GLUD1: variants seen among roughly 807,000 people sequenced by gnomAD.
GLUD1 encodes the protein glutamate dehydrogenase 1, also known as glutamate dehydrogenase 1, mitochondrial.
A neutral mutation model predicts 56.0 loss-of-function variants in GLUD1; 22 were observed. The observed-to-expected ratio is 0.39, with a 90% CI of 0.28 to 0.56. GLUD1 has a LOEUF of 0.56. Among genes scored for constraint, GLUD1 ranks in the 20% least tolerant of loss-of-function variants. The probability of loss-of-function intolerance (pLI) is 0.58; values close to 1 mark genes in which losing one functional copy is unlikely to be tolerated. For missense variants in GLUD1, 451 were observed against 732.0 expected, an observed-to-expected ratio of 0.62 and a Z score of 4.43; for synonymous variants, 223 against 269.9, an observed-to-expected ratio of 0.83 and a Z score of 1.70.
chr10:87,090,546 T>G (rs1175288761), intron 1 of GLUD1, among the ~76,000 whole-genome samples: 1 of 152,132 alleles, frequency 6.6e-6, no homozygotes, highest in Non-Finnish European at 1.5e-5. Flanking sequence ...CTAGTATACT[T>G]TGGGAGAAAA....
chr10:87,093,165 A>T (rs1841564653), intron 1 of GLUD1, among the ~76,000 whole-genome samples: 1 of 152,214 alleles, frequency 6.6e-6, no homozygotes, highest in South Asian at 2.1e-4. Flanking sequence ...TCCGGTACAG[A>T]GAGGATTTCT....
chr10:87,066,457 C>T (rs963482964), intron 5 of GLUD1, among the ~76,000 whole-genome samples: 1 of 152,104 alleles, frequency 6.6e-6, no homozygotes, highest in African/African-American at 2.4e-5. Context: ...CTTTCTTATC[C>T]CACCTTTCTC....
rs1225344623 is a variant in GLUD1 at position 87,060,743 on chromosome 10, G to C, written c.1142C>G (p.Pro381Arg). The C allele has an allele frequency of 6.2e-7, 1 of 1,614,174 alleles. No homozygotes were observed. The highest frequency in any genetic ancestry group is 8.5e-7 in the Non-Finnish European group (1 of 1,180,042). The change falls in exon 8 of 13, where the codon CCA (proline) becomes CGA (arginine). Residue 381 changes from proline to arginine, a missense_variant. By Grantham distance (103) the Pro-to-Arg change is moderately radical. Around this residue, in one of 4 missense-constraint regions of GLUD1, gnomAD observed 248 missense variants for 460.0 expected, o/e 0.54. Coordinates refer to ENST00000277865, the MANE Select transcript of GLUD1 (RefSeq NM_005271.5). ...ILEADCDILI[P>R]AASEKQLTKS... The stretch of plus-strand genomic sequence containing the variant: ...GGTCAACTGCTTCTCACTGGCAGCT[G>C]GGATCAGTATGTCACAGTCGGCCTC...
At chr10:87,081,317 G>A (rs1365401966) in intron 1 of GLUD1, among the ~76,000 whole-genome samples, 1 of 150,206 alleles carries the variant, frequency 6.7e-6, no homozygotes, top group Non-Finnish European at 1.5e-5. Flanking sequence ...CGTCCGGGAG[G>A]GAGGTGGGGG....
intron 11 of GLUD1, 66 bp from the exon 12 acceptor site, chr10:87,053,470 T>C: frequency 2.9e-6 from 3 of 1,017,096 alleles, no homozygotes; most frequent in Non-Finnish European, 4.7e-6. Context: ...CTGTATAAGA[T>C]GACAAAGGAT....
intron 11 of GLUD1, among the ~76,000 whole-genome samples, chr10:87,055,838 G>A (rs1232322439): frequency 1.3e-5 from 2 of 152,020 alleles, no homozygotes; most frequent in African/African-American, 2.4e-5. Flanking sequence ...ATTGACGGCC[G>A]GGCGCGGTGG....
chr10:87,081,946 C>CAAAAAAAAAAAAAAAAAAAAAAAAA (rs71019464), intron 1 of GLUD1, among the ~76,000 whole-genome samples: 1 of 85,668 alleles, frequency 1.2e-5, no homozygotes, highest in African/African-American at 3.9e-5. Flanking sequence ...ATGATCAATA[C>CAAAAAAAAAAAAAAAAAAAAAAAAA]AAAAAAAAAA....
intron 11 of GLUD1, among the ~76,000 whole-genome samples, chr10:87,054,556 C>T (rs567781113): frequency 6.6e-6 from 1 of 152,118 alleles, no homozygotes; most frequent in Admixed American, 6.5e-5. Context: ...AAAATAGCTA[C>T]TGGATTTGGC....
chr10:87,079,915 C>T lies in GLUD1; in HGVS notation c.446-3259G>A, dbSNP rs1314560148. Among the ~76,000 whole-genome samples, 10 of 121,042 alleles carry T rather than the reference C, an allele frequency of 8.3e-5. No individual in the cohort carries two copies. In the East Asian group the frequency reaches 2.1e-3, roughly 25 times the overall value. 79.4% of individuals were successfully genotyped at this position (121,042 alleles called of 152,430 possible). ...CTCCCTCTCCCTCCCCCTCCCCCTC[C>T]CCCTCTCCCTCCCCCTCTCCCTCTC... is the stretch of plus-strand genomic sequence containing the variant. On this transcript the variant is annotated intron_variant, in intron 1 of 12. Coordinates refer to ENST00000277865, the MANE Select transcript of GLUD1 (RefSeq NM_005271.5).
At chr10:87,085,433 C>T (rs11202328) in intron 1 of GLUD1, among the ~76,000 whole-genome samples, 17,995 of 151,492 alleles carry the variant, frequency 0.12, 1,969 homozygotes, top group East Asian at 0.64. Context: ...TAGGCAAATA[C>T]CATCTTAGAT....
chr10:87,052,683 A>G (rs2133775447), intron 12 of GLUD1, among the ~76,000 whole-genome samples: 1 of 150,812 alleles, frequency 6.6e-6, no homozygotes, highest in Non-Finnish European at 1.5e-5. Flanking sequence ...AAAAAAAAAA[A>G]AAAAAAAAAA....
intron 5 of GLUD1, among the ~76,000 whole-genome samples, chr10:87,065,088 T>C (rs911660038): frequency 6.6e-6 from 1 of 151,942 alleles, no homozygotes; most frequent in African/African-American, 2.4e-5. Context: ...TTGCTTCACC[T>C]GAGTCCAGCC....
intron 1 of GLUD1, among the ~76,000 whole-genome samples, chr10:87,090,645 G>C (rs1002989199): frequency 6.6e-6 from 1 of 152,130 alleles, no homozygotes; most frequent in Non-Finnish European, 1.5e-5. Flanking sequence ...CAACCTCGGG[G>C]CTAAGTGCTT....
chr10:87,074,501 AAT>A, intron 4 of GLUD1, 48 bp downstream of exon 4: 6 of 1,080,666 alleles, frequency 5.6e-6, no homozygotes, highest in Admixed American at 3.4e-5. Context: ...AAAAAAAAAA[AAT>A]TTTTAGATGT....
chr10:87,055,882 G>A lies in GLUD1; in HGVS notation c.1494+1809C>T, dbSNP rs1044695540. On this transcript the variant is annotated intron_variant, in intron 11 of 12. Transcript: ENST00000277865. ...TGTAATCCCAGCACTTTGGGAGGCCGAGGCGGGTGGATCACGAGGTCAGGG... is the reference window on the plus strand; with the variant it reads ...TGTAATCCCAGCACTTTGGGAGGCCAAGGCGGGTGGATCACGAGGTCAGGG... 5.9e-5 allele frequency among the ~76,000 whole-genome samples: 9 copies of A among 151,864 alleles called. No homozygotes were observed. In the South Asian group the frequency reaches 6.2e-4, roughly 11 times the overall value.
At chr10:87,068,443 G>A (rs748202394) in intron 4 of GLUD1, among the ~76,000 whole-genome samples, 1 of 152,200 alleles carries the variant, frequency 6.6e-6, no homozygotes, top group Non-Finnish European at 1.5e-5. Flanking sequence ...GGATTTCTGA[G>A]TGTGCGACCA....
At position 87,094,812 on chromosome 10, in the gene GLUD1, C is replaced by A. The variant is rs1165885530; in HGVS notation, c.-43G>T. 1.2e-5 allele frequency: 18 copies of A among 1,463,836 alleles called. No homozygotes were observed. Among genetic ancestry groups the A allele is most frequent in the Admixed American group, 3.7e-5 (2 of 53,456 alleles). The allele number at this position is 1,463,836 out of a possible 1,614,324, so 90.7% of individuals were successfully genotyped here. ...AGGTGCGTGATGGTCGCGAAACAGG[C>A]GCGCTTTCTCAGACTCCCCGCGACT... On this transcript the variant is annotated 5_prime_UTR_variant, in exon 1 of 13. Transcript: ENST00000277865. This position sits in a 1 kb window ranked among gnomAD's most constrained non-coding sequence, Gnocchi z 6.6.
At chr10:87,071,640 TC>T (rs1398636666) in intron 4 of GLUD1, among the ~76,000 whole-genome samples, 1 of 152,194 alleles carries the variant, frequency 6.6e-6, no homozygotes, top group Non-Finnish European at 1.5e-5. Flanking sequence ...GGTGGAGACA[TC>T]AGGGTCCTGC....
In GLUD1 at chr10:87,080,062, C is replaced by T. The variant is rs554761226; in HGVS notation, c.446-3406G>A. 6.0e-3 allele frequency among the ~76,000 whole-genome samples: 916 copies of T among 151,856 alleles called. 9 individuals carry two copies. Among genetic ancestry groups the T allele is most frequent in the African/African-American group, 0.021 (869 of 41,382 alleles). ...GCCTGATTCTCCTGCCTCAGCCTGC[C>T]GAGTGCCTGCGATTGCAGGCGCGCG... is the stretch of plus-strand genomic sequence containing the variant. On this transcript the variant is annotated intron_variant, in intron 1 of 12. Transcript: ENST00000277865.
Sources: gnomAD v4.1 joint callset for allele counts (sites outside exome capture counted in the v4.1 genomes callset) on GRCh38, gnomAD v4.1.1 for gene constraint, gnomAD v4.1.1 regional missense constraint, Gnocchi (gnomAD v3.1) non-coding constraint, MANE v1.5 for transcripts, NCBI Gene and HGNC (gene_info 2026-07-23, HGNC 2026-07-21) for gene names.